Variants in RGS5 observed in about 807,000 individuals in gnomAD.
The protein encoded by RGS5 is regulator of G protein signaling 5.
Under a neutral mutation model 18.9 loss-of-function variants are expected in RGS5, and 20 were observed. The ratio of observed to expected loss-of-function variants is 1.06; its 90% CI spans 0.74 to 1.54. The LOEUF (loss-of-function observed/expected upper bound fraction) is 1.54, where lower values mean the gene tolerates loss of function less well. Ranked by LOEUF, RGS5 falls within the 40% of genes most tolerant of loss-of-function variation. RGS5 has a pLI of 0.00. For synonymous variants in RGS5, 57 were observed against 76.2 expected (o/e 0.75, Z 1.31); for missense variants, 201 against 211.8 (o/e 0.95, Z 0.32).
intron 2 of RGS5, among the ~76,000 whole-genome samples, chr1:163,301,344 T>C (rs1349451334): frequency 4.0e-5 from 6 of 151,308 alleles, no homozygotes; most frequent in Admixed American, 4.0e-4. Context: ...ATGAGTCTTT[T>C]TTTTTTGAGA....
chr1:163,186,338 G>A (rs1659074532), intron 1 of RGS5, among the ~76,000 whole-genome samples: 1 of 151,904 alleles, frequency 6.6e-6, no homozygotes. Flanking sequence ...CAAAGTGCTG[G>A]TATTACAGGC....
At chr1:163,204,111 A>C (rs996329915), upstream of RGS5, among the ~76,000 whole-genome samples, 11 of 152,184 alleles carry the variant, frequency 7.2e-5, no homozygotes, top group Non-Finnish European at 1.5e-4. Flanking sequence ...TGTAAAGTCA[A>C]TGCAGTGCAT....
chr1:163,270,925 G>T (rs1252274860), intron 2 of RGS5, among the ~76,000 whole-genome samples: 2 of 151,974 alleles, frequency 1.3e-5, no homozygotes, highest in African/African-American at 2.4e-5. Context: ...CATTCCTTGG[G>T]GTTTTTTAAA....
At chr1:163,172,435 T>G in intron 1 of RGS5, 1 of 1,045,904 alleles carries the variant, frequency 9.6e-7, no homozygotes, top group Non-Finnish European at 1.4e-6. Flanking sequence ...AGTACCCTAC[T>G]ACTATTTTAT....
chr1:163,306,986 T>A (rs1649717976), intron 1 of RGS5, among the ~76,000 whole-genome samples: 1 of 152,236 alleles, frequency 6.6e-6, no homozygotes, highest in Non-Finnish European at 1.5e-5. Flanking sequence ...ATACTTGTTA[T>A]GGCAGCCCTA....
chr1:163,147,624 T>C, intron 4 of RGS5, 121 bp from the exon 5 acceptor site: 2 of 907,124 alleles, frequency 2.2e-6, no homozygotes, highest in Non-Finnish European at 3.2e-6. Context: ...CATTAAAAAC[T>C]GAGACATGTC....
Position 163,146,458 on chromosome 1 carries a change from A to T in RGS5, c.*884T>A, listed in dbSNP as rs1381638579. The T allele has an allele frequency of 2.0e-5, 3 of 152,096 alleles. No homozygotes were observed. The highest frequency in any genetic ancestry group is 1.3e-4 in the Admixed American group (2 of 15,268). The allele number at this position is 152,096 out of a possible 1,614,324, so 9.4% of individuals were successfully genotyped here. ...AGCCATCTTGATATTTAGGTGGGAG[A>T]CTACTCCAATGGAGCAACAGTTTCA... On this transcript the variant is annotated 3_prime_UTR_variant, in exon 5 of 5. Coordinates refer to ENST00000313961, the MANE Select transcript of RGS5 (RefSeq NM_003617.4).
At chr1:163,215,201 A>G (rs930148737) in intron 1 of RGS5, among the ~76,000 whole-genome samples, 3 of 152,208 alleles carry the variant, frequency 2.0e-5, no homozygotes, top group African/African-American at 7.2e-5. Context: ...TAAATGCTGC[A>G]TGTATTTCAT....
At chr1:163,174,035 C>T (rs925551467) in intron 1 of RGS5, among the ~76,000 whole-genome samples, 21 of 152,036 alleles carry the variant, frequency 1.4e-4, no homozygotes, top group African/African-American at 4.6e-4. Flanking sequence ...AAGATCATGC[C>T]GCTGCACTCC....
intron 2 of RGS5, among the ~76,000 whole-genome samples, chr1:163,257,796 CTTCT>C (rs1244036860): frequency 1.3e-5 from 2 of 151,694 alleles, no homozygotes; most frequent in African/African-American, 4.8e-5. Context: ...CTCCCACCTA[CTTCT>C]TTTTCAGGCT....
chr1:163,235,584 A>G (rs1647601948), intron 2 of RGS5, among the ~76,000 whole-genome samples: 1 of 152,102 alleles, frequency 6.6e-6, no homozygotes, highest in South Asian at 2.1e-4. Flanking sequence ...ATTTTTCCCC[A>G]TCTGGGTCTT....
chr1:163,191,744 G>A (rs753463533), intron 1 of RGS5, among the ~76,000 whole-genome samples: 1 of 152,138 alleles, frequency 6.6e-6, no homozygotes, highest in Non-Finnish European at 1.5e-5. Flanking sequence ...TCCTGGGTAA[G>A]AGGACCACGT....
chr1:163,201,590 G>C (rs570550677), intron 1 of RGS5, among the ~76,000 whole-genome samples: 268 of 152,126 alleles, frequency 1.8e-3, no homozygotes, highest in Non-Finnish European at 3.0e-3. Flanking sequence ...ATAAAAAAAA[G>C]TTTGGAAGCC....
chr1:163,227,506 T>C (rs965360737), intron 2 of RGS5, among the ~76,000 whole-genome samples: 11 of 152,112 alleles, frequency 7.2e-5, no homozygotes, highest in Non-Finnish European at 1.2e-4. Context: ...CCTGGTCCCA[T>C]CCTTAAAACA....
rs969292932 is a variant in RGS5, at chr1:163,142,655, A to G, written c.*4687T>C. On this transcript the variant is annotated 3_prime_UTR_variant, in exon 5 of 5. Coordinates refer to ENST00000313961, the MANE Select transcript of RGS5 (RefSeq NM_003617.4). ...TGTCTCCAGTGGCAAATTTCTCAGC[A>G]TTTCTCTTTGTTTTGTCTATGCCTT... The G allele has an allele frequency of 6.6e-6, 1 of 152,142 alleles. No homozygotes were observed. Among genetic ancestry groups the G allele is most frequent in the Non-Finnish European group, 1.5e-5 (1 of 68,024 alleles). 9.4% of individuals were successfully genotyped at this position (152,142 alleles called of 1,614,324 possible).
intron 1 of RGS5, chr1:163,318,750 G>C (rs1042087429): frequency 5.9e-5 from 9 of 152,170 alleles, no homozygotes; most frequent in Middle Eastern, 6.8e-3. Context: ...TTCAAGGAGG[G>C]TTTAATCAAT....
chr1:163,184,291 A>C (rs1376218072), intron 1 of RGS5, among the ~76,000 whole-genome samples: 2 of 152,080 alleles, frequency 1.3e-5, no homozygotes, highest in African/African-American at 4.8e-5. Flanking sequence ...GTCACAGGTG[A>C]CAGGAGACCA....
chr1:163,163,165 G>T (rs1657883902), intron 2 of RGS5, among the ~76,000 whole-genome samples: 2 of 152,218 alleles, frequency 1.3e-5, no homozygotes, highest in African/African-American at 2.4e-5. Flanking sequence ...AGGAGTCCAA[G>T]ACGGCAGTAG....
intron 2 of RGS5, among the ~76,000 whole-genome samples, chr1:163,290,043 A>G (rs1557932457): frequency 6.6e-6 from 1 of 151,032 alleles, no homozygotes; most frequent in Non-Finnish European, 1.5e-5. Context: ...AGCAGGCAAC[A>G]TGAGACCCCT....
Sources: gnomAD v4.1 joint callset for allele counts (sites outside exome capture counted in the v4.1 genomes callset) on GRCh38, gnomAD v4.1.1 for gene constraint, MANE v1.5 for transcripts, NCBI Gene and HGNC (gene_info 2026-07-23, HGNC 2026-07-21) for gene names.